Variants in ANKRD30B observed in about 807,000 individuals in gnomAD.
ANKRD30B encodes the protein ankyrin repeat domain-containing protein 30B.
A neutral mutation model predicts 202.2 loss-of-function variants in ANKRD30B; 144 were observed. That is an observed-to-expected ratio of 0.71 (90% CI 0.62 to 0.82). The LOEUF (loss-of-function observed/expected upper bound fraction) is 0.82. Among genes scored for constraint, ANKRD30B ranks in the 40% least tolerant of loss-of-function variants. The pLI is 0.00. For synonymous variants in ANKRD30B, 508 were observed against 561.3 expected, an observed-to-expected ratio of 0.91 and a Z score of 1.34; for missense variants, 1,487 against 1,669.1, an observed-to-expected ratio of 0.89 and a Z score of 1.90.
chr18:14,831,716 G>C (rs191625754), intron 34 of ANKRD30B, among the ~76,000 whole-genome samples: 2 of 152,024 alleles, frequency 1.3e-5, no homozygotes, highest in African/African-American at 4.8e-5. Context: ...AACCGGAATG[G>C]GCTGTAGAAA....
At chr18:14,769,278 T>C in intron 7 of ANKRD30B, 65 bp from the exon 8 acceptor site, 8 of 1,286,104 alleles carry the variant, frequency 6.2e-6, no homozygotes, top group Non-Finnish European at 8.7e-6. Context: ...TCTTACGTTG[T>C]TAATACTCTG....
the ANKRD30B span, among the ~76,000 whole-genome samples, chr18:14,912,867 C>A: frequency 6.6e-6 from 1 of 152,204 alleles, no homozygotes; most frequent in South Asian, 2.1e-4. Flanking sequence ...TAAAAATCTA[C>A]AATCCAAGCT....
rs201106360 is a variant in ANKRD30B at position 14,853,535 on chromosome 18, CT to C, written c.4477-260del. ...TAGAATTTACCACCACTAGTCCTGC[CT>C]TTTTTTTTTTTTTGAGACTTCAGTA... On this transcript the variant is annotated intron_variant, in intron 42 of 43. Transcript: ENST00000690538. Among the ~76,000 whole-genome samples the C allele has an allele frequency of 9.9e-3, 1,408 of 141,924 alleles. 23 individuals are homozygous for C. Among genetic ancestry groups the C allele is most frequent in the African/African-American group, 0.031 (1,204 of 38,982 alleles). 93.1% of individuals were successfully genotyped at this position (141,924 alleles called of 152,430 possible).
chr18:14,792,624 A>G (rs1968601041), intron 16 of ANKRD30B, among the ~76,000 whole-genome samples: 1 of 151,946 alleles, frequency 6.6e-6, no homozygotes, highest in African/African-American at 2.4e-5. Context: ...TCACTGCAGA[A>G]TGTTAGAGTG....
At chr18:14,938,705 G>C in the ANKRD30B span, among the ~76,000 whole-genome samples, 1 of 152,088 alleles carries the variant, frequency 6.6e-6, no homozygotes, top group Non-Finnish European at 1.5e-5. Flanking sequence ...ATGGGGAGTC[G>C]GGCTAAAGGG....
chr18:14,935,697 T>C, the ANKRD30B span, among the ~76,000 whole-genome samples: 8 of 152,256 alleles, frequency 5.3e-5, no homozygotes, highest in African/African-American at 1.9e-4. Context: ...TGGGTATATG[T>C]GTAGTGCATG....
chr18:14,856,627 G>T (rs1255550770), downstream of ANKRD30B, among the ~76,000 whole-genome samples: 3 of 118,352 alleles, frequency 2.5e-5, no homozygotes, highest in Non-Finnish European at 3.8e-5. Flanking sequence ...AGGCAGAGGC[G>T]CTCCTCAGTT....
At chr18:14,937,724 T>C in the ANKRD30B span, among the ~76,000 whole-genome samples, 394 of 152,368 alleles carry the variant, frequency 2.6e-3, 1 homozygote, top group African/African-American at 8.8e-3. Flanking sequence ...TGTTGCTCCG[T>C]TCTTCTGTTG....
intron 15 of ANKRD30B, among the ~76,000 whole-genome samples, chr18:14,788,408 T>C (rs1280252891): frequency 6.6e-6 from 1 of 152,178 alleles, no homozygotes; most frequent in Non-Finnish European, 1.5e-5. Context: ...TTTATTATTA[T>C]TATACTTTAA....
intron 1 of ANKRD30B, among the ~76,000 whole-genome samples, chr18:14,750,755 CG>C (rs1913299055): frequency 6.6e-6 from 1 of 151,962 alleles, no homozygotes. Flanking sequence ...GAAACATATA[CG>C]GAAGTATGTT....
At chr18:14,919,399 G>A in the ANKRD30B span, among the ~76,000 whole-genome samples, 4 of 152,194 alleles carry the variant, frequency 2.6e-5, no homozygotes. Flanking sequence ...TTGGGGCCCT[G>A]CAGCTCTCCC....
the ANKRD30B span, among the ~76,000 whole-genome samples, chr18:14,860,715 T>C: frequency 6.6e-6 from 1 of 152,012 alleles, no homozygotes; most frequent in Non-Finnish European, 1.5e-5. Flanking sequence ...AATAATTTTT[T>C]TTTTTTGGAG....
chr18:14,850,038 T>C (rs1267973885), intron 40 of ANKRD30B, among the ~76,000 whole-genome samples, 176 bp from the exon 41 acceptor site: 2 of 151,576 alleles, frequency 1.3e-5, no homozygotes, highest in Admixed American at 1.3e-4. Flanking sequence ...TTCAAGTATG[T>C]ATGTCATTTG....
chr18:14,870,699 C>A, the ANKRD30B span, among the ~76,000 whole-genome samples: 6 of 152,262 alleles, frequency 3.9e-5, no homozygotes, highest in South Asian at 1.0e-3. Flanking sequence ...AGGGTTACAG[C>A]CCTCCCTGTC....
chr18:14,817,846 G>A (rs1224751386), intron 30 of ANKRD30B, among the ~76,000 whole-genome samples: 11 of 152,132 alleles, frequency 7.2e-5, no homozygotes, highest in Admixed American at 4.6e-4. Flanking sequence ...TATTTAAAGT[G>A]TGTTGAATAC....
chr18:14,868,050 A>G, the ANKRD30B span, among the ~76,000 whole-genome samples: 1 of 152,206 alleles, frequency 6.6e-6, no homozygotes, highest in Non-Finnish European at 1.5e-5. Flanking sequence ...TGGAGACGGC[A>G]GCTCAACAGG....
At chr18:14,882,234 G>T in the ANKRD30B span, among the ~76,000 whole-genome samples, 1 of 152,132 alleles carries the variant, frequency 6.6e-6, no homozygotes, top group Non-Finnish European at 1.5e-5. Flanking sequence ...CAGACTTTTT[G>T]ACATCAGTGT....
In ANKRD30B at chr18:14,850,264, A is replaced by C. The variant is rs1258324528; in HGVS notation, c.3446A>C (p.Lys1149Thr). The change falls in exon 41 of 44, where the codon AAA becomes ACA. Residue 1149 changes from lysine (K) to threonine (T), a missense_variant. By Grantham distance (78) the Lys-to-Thr change is moderately conservative. This residue lies in a region of ANKRD30B where 177 missense variants were observed against 216.4 expected (regional missense o/e 0.82). Transcript: ENST00000690538. ...EEKRRNVDIL[K>T]EKIRPEEQLR... ...AAGAGAAGAAATGTCGATATATTAA[A>C]AGAAAAAATTAGACCCGAAGAGCAA... 6.3e-7 allele frequency: 1 copy of C among 1,590,972 alleles called. No individual in the cohort carries two copies. The highest frequency in any genetic ancestry group is 8.5e-7 in the Non-Finnish European group (1 of 1,171,026).
the ANKRD30B span, among the ~76,000 whole-genome samples, chr18:14,919,866 C>A: frequency 2.0e-5 from 3 of 152,186 alleles, no homozygotes; most frequent in Admixed American, 6.5e-5. Flanking sequence ...TGGACTTAGG[C>A]CAAGCTGGGG....
Sources: gnomAD v4.1 joint callset for allele counts (sites outside exome capture counted in the v4.1 genomes callset) on GRCh38, gnomAD v4.1.1 for gene constraint, gnomAD v4.1.1 regional missense constraint, MANE v1.5 for transcripts, NCBI Gene and HGNC (gene_info 2026-07-23, HGNC 2026-07-21) for gene names.